The following DLG2 variants were observed in gnomAD, a reference collection of about 807,000 sequenced individuals.
DLG2 encodes the protein discs large MAGUK scaffold protein 2.
A neutral mutation model predicts 132.5 loss-of-function variants in DLG2; 45 were observed. The observed-to-expected ratio is 0.34, with a 90% CI of 0.27 to 0.44. The LOEUF is 0.44. Among genes scored for constraint, DLG2 ranks in the 20% least tolerant of loss-of-function variants. The pLI is 1.00. For synonymous variants in DLG2, 424 were observed against 419.6 expected (o/e 1.01, Z -0.13); for missense variants, 1,045 against 1,196.9 (o/e 0.87, Z 1.87).
At position 84,934,510 on chromosome 11, in the gene DLG2, TTTTTG is replaced by T. The variant is rs1190697173; in HGVS notation, c.357+177146_357+177150del. ...AATCTGTATGGTCCTGGGTGTTTTTTTTTTGTTTTGTTTTGTTTTTTTTTTTTTTT... is the reference window on the plus strand; with the variant it reads ...AATCTGTATGGTCCTGGGTGTTTTTTTTTTGTTTTGTTTTTTTTTTTTTTT... On this transcript the variant is annotated intron_variant, in intron 6 of 27. Transcript: ENST00000376104. Among the ~76,000 whole-genome samples, 110 of 79,372 alleles carry T rather than the reference TTTTTG, an allele frequency of 1.4e-3. 1 individual carries two copies. Among genetic ancestry groups the T allele is most frequent in the Non-Finnish European group, 1.9e-3 (83 of 44,326 alleles). The allele number at this position is 79,372 out of a possible 152,430, so 52.1% of individuals were successfully genotyped here. A position where few individuals can be genotyped will look rare whatever the true frequency, so the allele number is the denominator to read the frequency against.
chr11:84,298,896 C>T (rs551067142), intron 7 of DLG2, among the ~76,000 whole-genome samples: 138 of 152,218 alleles, frequency 9.1e-4, no homozygotes, highest in Middle Eastern at 3.4e-3. Flanking sequence ...GGAGATGGAG[C>T]GGGAAATACA....
intron 6 of DLG2, among the ~76,000 whole-genome samples, chr11:84,845,251 A>G (rs898777091): frequency 6.6e-5 from 10 of 152,128 alleles, no homozygotes; most frequent in African/African-American, 2.2e-4. Context: ...AACATTTCTG[A>G]TCAAGTGTCC....
intron 6 of DLG2, among the ~76,000 whole-genome samples, chr11:84,801,635 G>C (rs1337304469): frequency 2.0e-5 from 3 of 152,164 alleles, no homozygotes; most frequent in Admixed American, 6.5e-5. Context: ...CGTGATGGGA[G>C]CTGTGTCCCC....
intron 8 of DLG2, among the ~76,000 whole-genome samples, chr11:84,197,311 A>G (rs1276738672): frequency 6.6e-6 from 1 of 152,188 alleles, no homozygotes; most frequent in Non-Finnish European, 1.5e-5. Context: ...GGAAGGCTCT[A>G]TGATGTGTGA....
intron 3 of DLG2, among the ~76,000 whole-genome samples, chr11:85,317,288 G>T (rs138834369): frequency 6.6e-6 from 1 of 151,676 alleles, no homozygotes; most frequent in African/African-American, 2.4e-5. Flanking sequence ...CCACTGAAAG[G>T]GTTCAATATT....
chr11:84,637,873 C>A (rs958575538), intron 6 of DLG2, among the ~76,000 whole-genome samples: 2 of 152,134 alleles, frequency 1.3e-5, no homozygotes, highest in African/African-American at 4.8e-5. Context: ...GATTTTCTAG[C>A]AGAACTCTTA....
chr11:85,117,632 G>T (rs1003938510), intron 5 of DLG2, among the ~76,000 whole-genome samples: 1 of 144,026 alleles, frequency 6.9e-6, no homozygotes, highest in African/African-American at 2.6e-5. Context: ...AAAAGTAATC[G>T]TAAATAGGAA....
intron 4 of DLG2, among the ~76,000 whole-genome samples, chr11:85,241,381 C>CT (rs1377891636): frequency 3.0e-4 from 46 of 151,708 alleles, no homozygotes; most frequent in Admixed American, 3.0e-3. Flanking sequence ...CTTTTAATTT[C>CT]TTTTTTCTTG....
intron 4 of DLG2, among the ~76,000 whole-genome samples, chr11:85,205,868 G>A (rs1162066097): frequency 6.6e-6 from 1 of 152,054 alleles, no homozygotes; most frequent in Non-Finnish European, 1.5e-5. Flanking sequence ...CAATCTTTTT[G>A]TTCTACATTT....
At chr11:84,954,389 T>C (rs2051364079) in intron 6 of DLG2, among the ~76,000 whole-genome samples, 1 of 150,602 alleles carries the variant, frequency 6.6e-6, no homozygotes. Flanking sequence ...CATTAAAGAA[T>C]GTATAGAATC....
Position 85,091,141 on chromosome 11 carries a change from T to A in DLG2, c.357+20520A>T, listed in dbSNP as rs868661687. Among the ~76,000 whole-genome samples the A allele has an allele frequency of 2.0e-5, 3 of 152,216 alleles. No homozygotes were observed. In the South Asian group the frequency reaches 6.2e-4, roughly 31 times the overall value. The stretch of plus-strand genomic sequence containing the variant: ...TTGGTTCCACCTCCAACACTGGGGA[T>A]CAAATTTCAACATGAGGTTTGCGGG... On this transcript the variant is annotated intron_variant, in intron 6 of 27. Coordinates refer to ENST00000376104, the MANE Select transcript of DLG2 (RefSeq NM_001142699.3).
chr11:84,759,165 A>C (rs1343072261), intron 6 of DLG2, among the ~76,000 whole-genome samples: 1 of 152,188 alleles, frequency 6.6e-6, no homozygotes, highest in Non-Finnish European at 1.5e-5. Context: ...GGCTTGAGAC[A>C]CTGCACTCAG....
intron 7 of DLG2, among the ~76,000 whole-genome samples, chr11:84,430,085 C>T (rs1029837386): frequency 2.0e-5 from 3 of 152,240 alleles, no homozygotes; most frequent in African/African-American, 4.8e-5. Context: ...AATGCTGGCT[C>T]CACCACTTGT....
intron 21 of DLG2, among the ~76,000 whole-genome samples, chr11:83,500,221 A>T (rs1309510021): frequency 6.6e-6 from 1 of 152,048 alleles, no homozygotes; most frequent in Non-Finnish European, 1.5e-5. Context: ...TGGATTATGC[A>T]TGTGTTCAGT....
chr11:84,453,799 C>T (rs1187802688), intron 7 of DLG2, among the ~76,000 whole-genome samples: 1 of 151,650 alleles, frequency 6.6e-6, no homozygotes, highest in East Asian at 1.9e-4. Flanking sequence ...AACTCAGAAT[C>T]TCTGCTCTTA....
At chr11:83,996,665 A>G (rs1395142021) in intron 11 of DLG2, among the ~76,000 whole-genome samples, 1 of 152,202 alleles carries the variant, frequency 6.6e-6, no homozygotes, top group Non-Finnish European at 1.5e-5. Context: ...GTCATTTGCA[A>G]CAATATGGGT....
At chr11:85,459,091 C>G (rs941111036) in intron 3 of DLG2, among the ~76,000 whole-genome samples, 2 of 152,162 alleles carry the variant, frequency 1.3e-5, no homozygotes, top group Non-Finnish European at 2.9e-5. Flanking sequence ...ACAGACTGGC[C>G]TCTTCTCCCT....
At chr11:84,383,373 T>C (rs1002925467) in intron 7 of DLG2, among the ~76,000 whole-genome samples, 2 of 152,128 alleles carry the variant, frequency 1.3e-5, no homozygotes, top group Non-Finnish European at 2.9e-5. Context: ...ATTTACCTAG[T>C]ACCTTCTCCT....
intron 7 of DLG2, among the ~76,000 whole-genome samples, chr11:84,277,659 G>T (rs1215025764): frequency 6.6e-6 from 1 of 151,704 alleles, no homozygotes; most frequent in East Asian, 1.9e-4. Context: ...CATCTTTCAC[G>T]AGAAAAAAAA....
Sources: allele counts gnomAD v4.1 joint callset (sites outside exome capture counted in the v4.1 genomes callset), GRCh38; gene constraint gnomAD v4.1.1; transcripts MANE v1.5; gene names NCBI Gene and HGNC (gene_info 2026-07-23, HGNC 2026-07-21).